Variants in STOX2 observed in about 807,000 individuals in gnomAD.
The protein encoded by STOX2 is storkhead box 2.
Under a neutral mutation model 60.9 loss-of-function variants are expected in STOX2, and 28 were observed. That is an observed-to-expected ratio of 0.46 (90% CI 0.34 to 0.63). The LOEUF is 0.63. Ranked by LOEUF, STOX2 falls within the 30% of genes least tolerant of loss-of-function variation. STOX2 has a pLI of 0.01. For missense variants in STOX2, 1,024 were observed against 1,187.7 expected, an observed-to-expected ratio of 0.86 and a Z score of 2.03; for synonymous variants, 472 against 463.9, an observed-to-expected ratio of 1.02 and a Z score of -0.22.
At chr4:183,818,366 A>C (rs1481740171) in intron 1 of STOX2, among the ~76,000 whole-genome samples, 2 of 152,162 alleles carry the variant, frequency 1.3e-5, no homozygotes, top group African/African-American at 4.8e-5. Context: ...TAATCCATTC[A>C]ACCCTGAGTG....
intron 1 of STOX2, among the ~76,000 whole-genome samples, chr4:183,968,369 C>CACACAT (rs1383265623): frequency 2.0e-5 from 3 of 148,724 alleles, no homozygotes; most frequent in Non-Finnish European, 4.4e-5. Flanking sequence ...CACACACACA[C>CACACAT]ACACACACAC....
At chr4:183,886,286 A>C (rs11132212) in intron 1 of STOX2, among the ~76,000 whole-genome samples, 1,651 of 58,886 alleles carry the variant, frequency 0.028, 62 homozygotes, top group South Asian at 0.05. Flanking sequence ...GTGAAGGTTC[A>C]GATGGTTGCT....
At chr4:183,915,898 A>G (rs892793613) in intron 1 of STOX2, among the ~76,000 whole-genome samples, 2 of 152,198 alleles carry the variant, frequency 1.3e-5, no homozygotes, top group African/African-American at 4.8e-5. Flanking sequence ...GCTTTAACCC[A>G]CCCACTGTGC....
At chr4:183,989,468 C>T (rs1232992755) in intron 1 of STOX2, among the ~76,000 whole-genome samples, 1 of 152,144 alleles carries the variant, frequency 6.6e-6, no homozygotes, top group African/African-American at 2.4e-5. Flanking sequence ...TCCCAAAGTG[C>T]TGGGATTACA....
intron 1 of STOX2, among the ~76,000 whole-genome samples, chr4:183,957,657 C>T (rs1743289832): frequency 6.6e-6 from 1 of 152,142 alleles, no homozygotes; most frequent in South Asian, 2.1e-4. Context: ...CAATCTTGTC[C>T]CCGTGTCTTT....
chr4:183,853,243 C>T (rs1300691638), intron 1 of STOX2, among the ~76,000 whole-genome samples: 3 of 152,208 alleles, frequency 2.0e-5, no homozygotes, highest in Non-Finnish European at 2.9e-5. Context: ...TCTTCATTGT[C>T]AGGCTTTTCC....
rs1739541581 is a variant in STOX2, at chr4:183,830,504, A to G, written c.364+32449A>G. On this transcript the variant is annotated intron_variant, in intron 1 of 2. Coordinates refer to the STOX2 transcript ENST00000513034. ...GCCAGGGCTGGGAGAGATGGTCATGAGGGTTCTTATCCTTTGACCTTAGCC... is the reference window on the plus strand; with the variant it reads ...GCCAGGGCTGGGAGAGATGGTCATGGGGGTTCTTATCCTTTGACCTTAGCC... Among the ~76,000 whole-genome samples the G allele has an allele frequency of 2.0e-5, 3 of 152,180 alleles. No individual in the cohort carries two copies. The South Asian group carries it at 6.2e-4, about 32-fold the overall frequency.
At chr4:183,973,494 C>A (rs1743801425) in intron 1 of STOX2, among the ~76,000 whole-genome samples, 1 of 151,920 alleles carries the variant, frequency 6.6e-6, no homozygotes, top group Non-Finnish European at 1.5e-5. Flanking sequence ...TTTAAAATAA[C>A]CAGGGAACAT....
intron 1 of STOX2, among the ~76,000 whole-genome samples, chr4:183,912,923 T>C (rs563841264): frequency 3.3e-5 from 5 of 152,276 alleles, no homozygotes; most frequent in African/African-American, 1.2e-4. Flanking sequence ...TTTGAAAAGA[T>C]CTCCCATTGT....
At chr4:183,909,077 A>G (rs1741704764) in intron 1 of STOX2, among the ~76,000 whole-genome samples, 1 of 152,224 alleles carries the variant, frequency 6.6e-6, no homozygotes. Flanking sequence ...GGAAATGGTA[A>G]ACATGATGAC....
intron 1 of STOX2, among the ~76,000 whole-genome samples, chr4:183,857,693 G>A (rs1740334904): frequency 6.6e-6 from 1 of 152,070 alleles, no homozygotes; most frequent in East Asian, 1.9e-4. Flanking sequence ...CTTCCCCCCA[G>A]CCCTGTCTCT....
At chr4:183,985,832 T>G (rs1342454647) in intron 1 of STOX2, among the ~76,000 whole-genome samples, 2 of 152,230 alleles carry the variant, frequency 1.3e-5, no homozygotes, top group African/African-American at 4.8e-5. Context: ...GTTATATGCT[T>G]CCATCATTGC....
At chr4:183,858,815 C>T (rs1740362985) in intron 1 of STOX2, among the ~76,000 whole-genome samples, 1 of 152,146 alleles carries the variant, frequency 6.6e-6, no homozygotes, top group South Asian at 2.1e-4. Flanking sequence ...TACTTAGCTT[C>T]TATGATTGCT....
In STOX2 at chr4:183,953,559, A is replaced by G. The variant is rs150722932; in HGVS notation, c.166+46603A>G. ...GCCACACACTATTTATGAGGTATAC[A>G]TGATTATTATCCCTGATTTTTTTTG... On this transcript the variant is annotated intron_variant, in intron 1 of 3. Transcript: ENST00000308497. 7.3e-3 allele frequency among the ~76,000 whole-genome samples: 963 copies of G among 132,130 alleles called. 4 individuals carry two copies. Among genetic ancestry groups the G allele is most frequent in the Non-Finnish European group, 9.6e-3 (600 of 62,340 alleles). The allele number at this position is 132,130 out of a possible 152,430, so 86.7% of individuals were successfully genotyped here. A position where few individuals can be genotyped will look rare whatever the true frequency, so the allele number is the denominator to read the frequency against.
chr4:183,886,036 T>A (rs1741070476), intron 1 of STOX2, among the ~76,000 whole-genome samples: 1 of 151,930 alleles, frequency 6.6e-6, no homozygotes, highest in Admixed American at 6.6e-5. Flanking sequence ...AGATGGTTGC[T>A]GGATGGTGTA....
intron 1 of STOX2, among the ~76,000 whole-genome samples, chr4:183,951,657 T>C (rs1341236302): frequency 2.7e-5 from 4 of 150,060 alleles, no homozygotes; most frequent in African/African-American, 9.8e-5. Context: ...AGTAGGTGAG[T>C]GGTCGGGTGC....
intron 1 of STOX2, among the ~76,000 whole-genome samples, chr4:183,890,497 AAAC>A (rs1450563399): frequency 3.9e-4 from 31 of 80,094 alleles, no homozygotes; most frequent in South Asian, 1.0e-3. Context: ...AAAAAAAAAA[AAAC>A]AGCAACAGAA....
intron 2 of STOX2, among the ~76,000 whole-genome samples, chr4:184,007,665 A>G (rs373932995): frequency 6.6e-6 from 1 of 152,210 alleles, no homozygotes; most frequent in African/African-American, 2.4e-5. Flanking sequence ...GTATTGTCCT[A>G]CAGTTCTGGA....
chr4:183,871,021 A>G (rs1428959048), intron 1 of STOX2, among the ~76,000 whole-genome samples: 2 of 152,202 alleles, frequency 1.3e-5, no homozygotes, highest in Non-Finnish European at 2.9e-5. Context: ...TGGCTGCCTA[A>G]AATTATTTAC....
Sources: allele counts gnomAD v4.1 joint callset (sites outside exome capture counted in the v4.1 genomes callset), GRCh38; gene constraint gnomAD v4.1.1; transcripts MANE v1.5; gene names NCBI Gene and HGNC (gene_info 2026-07-23, HGNC 2026-07-21).